Variants in PAM observed in about 807,000 individuals in gnomAD.
The protein encoded by PAM is peptidylglycine alpha-amidating monooxygenase.
PAM carries 72 observed loss-of-function variants against 122.1 expected under a neutral mutation model. The ratio of observed to expected loss-of-function variants is 0.59; its 90% CI spans 0.49 to 0.72. The LOEUF (loss-of-function observed/expected upper bound fraction) is 0.72, where lower values mean the gene tolerates loss of function less well. Ranked by LOEUF, PAM falls within the 30% of genes least tolerant of loss-of-function variation. The pLI is 0.00. For missense variants in PAM, 1,106 were observed against 1,183.7 expected, an observed-to-expected ratio of 0.93 and a Z score of 0.96; for synonymous variants, 389 against 404.4, an observed-to-expected ratio of 0.96 and a Z score of 0.46.
chr5:102,811,799 A>T (rs978356786), intron 1 of PAM, among the ~76,000 whole-genome samples: 1 of 152,226 alleles, frequency 6.6e-6, no homozygotes, highest in African/African-American at 2.4e-5. Context: ...ATCCCCAAGG[A>T]TATTAAAATG....
intron 23 of PAM, among the ~76,000 whole-genome samples, chr5:103,020,206 T>G (rs1783182179): frequency 6.6e-6 from 1 of 152,112 alleles, no homozygotes; most frequent in Non-Finnish European, 1.5e-5. Context: ...TGGAAAAACC[T>G]TTTCTTAATA....
At chr5:102,761,961 G>A (rs1051640148) in intron 1 of PAM, among the ~76,000 whole-genome samples, 1 of 152,184 alleles carries the variant, frequency 6.6e-6, no homozygotes, top group Admixed American at 6.5e-5. Flanking sequence ...GAGAGCCGAG[G>A]TCATATGCTA....
At chr5:102,885,094 T>TAA (rs556034215) in intron 3 of PAM, among the ~76,000 whole-genome samples, 58 of 147,854 alleles carry the variant, frequency 3.9e-4, no homozygotes, top group African/African-American at 1.4e-3. Context: ...TATATATATA[T>TAA]AACTATAAAA....
chr5:102,854,173 G>C (rs1782031285), intron 1 of PAM, among the ~76,000 whole-genome samples: 2 of 152,124 alleles, frequency 1.3e-5, no homozygotes, highest in Admixed American at 1.3e-4. Flanking sequence ...GATGTCATGA[G>C]CATTAAATGA....
At position 102,866,091 on chromosome 5, in the gene PAM, G is replaced by A; in HGVS notation, c.-105G>A. 1 of 629,182 alleles carries A rather than the reference G, an allele frequency of 1.6e-6. No individual in the cohort carries two copies. The highest frequency in any genetic ancestry group is 2.1e-5 in the South Asian group (1 of 46,890). 39.0% of individuals were successfully genotyped at this position (629,182 alleles called of 1,614,324 possible). On this transcript the variant is annotated 5_prime_UTR_variant, in exon 2 of 26. Coordinates refer to ENST00000438793, the MANE Select transcript of PAM (RefSeq NM_001177306.2). ...CCGCCGCAGGACGCCCGCCGTGCCCGGGCCATGAAGTAGCGGCTGCTGGCG... is the reference window on the plus strand; with the variant it reads ...CCGCCGCAGGACGCCCGCCGTGCCCAGGCCATGAAGTAGCGGCTGCTGGCG...
intron 14 of PAM, among the ~76,000 whole-genome samples, chr5:102,968,583 C>T (rs1313763662): frequency 2.0e-5 from 3 of 152,134 alleles, no homozygotes; most frequent in Admixed American, 2.0e-4. Context: ...AATTGGTAAG[C>T]AGCAAACGTC....
intron 5 of PAM, among the ~76,000 whole-genome samples, chr5:102,924,689 A>G (rs931491655): frequency 6.6e-6 from 1 of 152,094 alleles, no homozygotes; most frequent in Non-Finnish European, 1.5e-5. Flanking sequence ...GTATGAACAT[A>G]TCAAAGTAAA....
chr5:102,787,813 A>G (rs1003252596), intron 1 of PAM, among the ~76,000 whole-genome samples: 6 of 152,044 alleles, frequency 3.9e-5, no homozygotes, highest in African/African-American at 1.4e-4. Context: ...GGGTATTTCC[A>G]GTATTCATAT....
At chr5:103,000,324 C>T (rs1777028952) in intron 16 of PAM, among the ~76,000 whole-genome samples, 1 of 152,176 alleles carries the variant, frequency 6.6e-6, no homozygotes, top group African/African-American at 2.4e-5. Flanking sequence ...CTTATCATCT[C>T]CATCTGAGAC....
chr5:102,956,464 A>G (rs1471180462), intron 12 of PAM, among the ~76,000 whole-genome samples: 1 of 152,134 alleles, frequency 6.6e-6, no homozygotes, highest in Non-Finnish European at 1.5e-5. Flanking sequence ...TTAAAATAAT[A>G]AAGTGTGATC....
chr5:102,839,183 A>C (rs1482438293), intron 1 of PAM, among the ~76,000 whole-genome samples: 1 of 152,152 alleles, frequency 6.6e-6, no homozygotes, highest in Admixed American at 6.5e-5. Context: ...CTATCAAAAC[A>C]AGCTCCAGGT....
intron 5 of PAM, among the ~76,000 whole-genome samples, chr5:102,921,111 C>T (rs1747291074): frequency 6.6e-6 from 1 of 152,068 alleles, no homozygotes; most frequent in Non-Finnish European, 1.5e-5. Flanking sequence ...TACTAAGAAA[C>T]CACAAGGGAG....
chr5:102,804,843 G>A (rs747017077), intron 1 of PAM, among the ~76,000 whole-genome samples: 3 of 152,136 alleles, frequency 2.0e-5, no homozygotes, highest in Non-Finnish European at 4.4e-5. Flanking sequence ...CCTCTCTCAG[G>A]TGGGACTTTA....
intron 16 of PAM, among the ~76,000 whole-genome samples, chr5:103,002,333 G>GT (rs940897325): frequency 1.3e-5 from 2 of 151,750 alleles, no homozygotes; most frequent in Non-Finnish European, 2.9e-5. Flanking sequence ...AATCTAAAAG[G>GT]TACTGAGTTT....
At position 102,946,769 on chromosome 5, in the gene PAM, C is replaced by A. The variant is rs577940937; in HGVS notation, c.527-68C>A. Reference sequence around the variant, plus strand: ...AATATTTGGTTATAATCATTTCTATCTTACTAGTTGGAAATCCATTTTCTA... The same window carrying A: ...AATATTTGGTTATAATCATTTCTATATTACTAGTTGGAAATCCATTTTCTA... On this transcript the variant is annotated intron_variant, in intron 7 of 25. Transcript: ENST00000438793. The A allele has an allele frequency of 6.6e-6, 6 of 906,632 alleles. No homozygotes were observed. In the Admixed American group the frequency reaches 1.0e-4, roughly 15 times the overall value. 56.2% of individuals were successfully genotyped at this position (906,632 alleles called of 1,614,324 possible).
intron 14 of PAM, among the ~76,000 whole-genome samples, chr5:102,967,585 A>G (rs1173249393): frequency 6.6e-6 from 1 of 152,180 alleles, no homozygotes; most frequent in Non-Finnish European, 1.5e-5. Context: ...TTTTATATAA[A>G]ACTATAGTTC....
rs549580812 is a variant in PAM, at chr5:102,945,060, T to C, written c.527-1777T>C. Among the ~76,000 whole-genome samples the C allele has an allele frequency of 2.2e-4, 34 of 152,272 alleles. 1 individual carries two copies. In the South Asian group the frequency reaches 7.1e-3, roughly 32 times the overall value. ...TATTCATGTACTGTATTTTTTGGAA[T>C]ATACCAATAGAATAATAATAACTAA... is the stretch of plus-strand genomic sequence containing the variant. On this transcript the variant is annotated intron_variant, in intron 7 of 25. Transcript: ENST00000438793.
At chr5:102,963,181 C>T (rs561980475) in intron 14 of PAM, among the ~76,000 whole-genome samples, 1 of 151,932 alleles carries the variant, frequency 6.6e-6, no homozygotes, top group East Asian at 1.9e-4. Flanking sequence ...TCCTACCAGT[C>T]TATGGGGACC....
intron 4 of PAM, among the ~76,000 whole-genome samples, chr5:102,902,909 T>G (rs545186261): frequency 6.6e-6 from 1 of 151,634 alleles, no homozygotes; most frequent in South Asian, 2.1e-4. Flanking sequence ...TATATGATTT[T>G]AGAACCAGTG....
Sources: allele counts gnomAD v4.1 joint callset (sites outside exome capture counted in the v4.1 genomes callset), GRCh38; gene constraint gnomAD v4.1.1; transcripts MANE v1.5; gene names NCBI Gene and HGNC (gene_info 2026-07-23, HGNC 2026-07-21).